POU2F1: variants seen among roughly 807,000 people sequenced by gnomAD.
POU2F1 encodes POU class 2 homeobox 1.
POU2F1 carries 16 observed loss-of-function variants against 84.9 expected under a neutral mutation model. The ratio of observed to expected loss-of-function variants is 0.19; its 90% confidence interval spans 0.13 to 0.29. The LOEUF (loss-of-function observed/expected upper bound fraction) is 0.29. Among genes scored for constraint, POU2F1 ranks in the 10% least tolerant of loss-of-function variants. The probability of loss-of-function intolerance (pLI) is 1.00; values close to 1 mark genes in which losing one functional copy is unlikely to be tolerated. For synonymous variants in POU2F1, 368 were observed against 368.3 expected (o/e 1.00, Z 0.01); for missense variants, 738 against 942.6 (o/e 0.78, Z 2.84).
rs532364356 is a variant in POU2F1, at chr1:167,427,020, T to G, written c.*11210T>G. 2 of 152,280 alleles carry G rather than the reference T, an allele frequency of 1.3e-5. No homozygotes were observed. Among genetic ancestry groups the G allele is most frequent in the South Asian group, 4.1e-4 (2 of 4,822 alleles). The allele number at this position is 152,280 out of a possible 1,614,324, so 9.4% of individuals were successfully genotyped here. A position where few individuals can be genotyped will look rare whatever the true frequency, so the allele number is the denominator to read the frequency against. On this transcript the variant is annotated 3_prime_UTR_variant, in exon 16 of 16. Coordinates refer to ENST00000367866, the MANE Select transcript of POU2F1 (RefSeq NM_002697.4). ...CCCTGGGAGACACACGTTTTCTTGG[T>G]TTTGAAAACCTGAAACACAGGCAAC...
chr1:167,343,758 T>C (rs1571336093), intron 2 of POU2F1, among the ~76,000 whole-genome samples: 1 of 148,542 alleles, frequency 6.7e-6, no homozygotes, highest in East Asian at 2.0e-4. Context: ...TGTGGTAGCA[T>C]TCTCTGAGTA....
intron 1 of POU2F1, among the ~76,000 whole-genome samples, chr1:167,265,209 A>G (rs1163867359): frequency 6.6e-6 from 1 of 152,210 alleles, no homozygotes; most frequent in African/African-American, 2.4e-5. Context: ...GTAGCAGCTG[A>G]GAGAACAGTT....
rs115010595 is a variant in POU2F1 at position 167,322,959 on chromosome 1, C to T, written c.62-9511C>T. 7.0e-3 allele frequency among the ~76,000 whole-genome samples: 1,060 copies of T among 152,306 alleles called. 8 individuals are homozygous for T. The highest frequency in any genetic ancestry group is 0.024 in the African/African-American group (1,006 of 41,560). On this transcript the variant is annotated intron_variant, in intron 1 of 15. Transcript: ENST00000367866. ...TGTTCCTTGCCGTCATTCCGGTAAA[C>T]CAACAACCTTCAGCATGGGCGTCGT...
intron 1 of POU2F1, among the ~76,000 whole-genome samples, chr1:167,257,153 A>G (rs768092266): frequency 1.3e-5 from 2 of 152,230 alleles, no homozygotes; most frequent in Non-Finnish European, 2.9e-5. Flanking sequence ...AAGAATAGGT[A>G]GTGGTGAGGA....
At chr1:167,222,090 G>T (rs1029006259) in intron 1 of POU2F1, among the ~76,000 whole-genome samples, 15 of 152,120 alleles carry the variant, frequency 9.9e-5, no homozygotes, top group Non-Finnish European at 1.8e-4. Flanking sequence ...GGGGCCTCTC[G>T]CTCCGAGGCC....
At chr1:167,373,419 T>TTC (rs1660132898) in intron 5 of POU2F1, among the ~76,000 whole-genome samples, 1 of 152,230 alleles carries the variant, frequency 6.6e-6, no homozygotes, top group African/African-American at 2.4e-5. Flanking sequence ...GGAGTTGGGA[T>TTC]TCTAGGTTCC....
chr1:167,222,076 C>T (rs965993126), intron 1 of POU2F1, among the ~76,000 whole-genome samples: 1 of 152,138 alleles, frequency 6.6e-6, no homozygotes, highest in Non-Finnish European at 1.5e-5. Flanking sequence ...GCGGGTGGCC[C>T]TCCGGGGCCT....
chr1:167,337,428 G>C (rs71572449), intron 2 of POU2F1, among the ~76,000 whole-genome samples: 1,839 of 152,284 alleles, frequency 0.012, 14 homozygotes, highest in South Asian at 0.027. Flanking sequence ...AGGAAGCACA[G>C]TTGTTATACG....
At chr1:167,262,487 A>G (rs955311525) in intron 1 of POU2F1, among the ~76,000 whole-genome samples, 3 of 152,236 alleles carry the variant, frequency 2.0e-5, no homozygotes, top group African/African-American at 7.2e-5. Flanking sequence ...CAGAAACCGT[A>G]TCTGCCCTCA....
chr1:167,261,064 T>C (rs927722092), intron 1 of POU2F1, among the ~76,000 whole-genome samples: 1 of 152,168 alleles, frequency 6.6e-6, no homozygotes, highest in African/African-American at 2.4e-5. Flanking sequence ...ATAGTATTTC[T>C]CATTTGATTT....
intron 1 of POU2F1, among the ~76,000 whole-genome samples, chr1:167,330,208 C>T (rs1656989901): frequency 6.6e-6 from 1 of 152,102 alleles, no homozygotes; most frequent in Non-Finnish European, 1.5e-5. Context: ...ACATTTAAAA[C>T]TTTTGCAAAT....
In POU2F1 at chr1:167,416,247, TAAAA is replaced by T. The variant is rs371666497; in HGVS notation, c.*446_*449del. 7.7e-6 allele frequency: 2 copies of T among 260,708 alleles called. No homozygotes were observed. Among genetic ancestry groups the T allele is most frequent in the Non-Finnish European group, 1.5e-5 (2 of 134,778 alleles). The allele number at this position is 260,708 out of a possible 1,614,324, so 16.1% of individuals were successfully genotyped here. ...TGTTTGTCTAAATTTCTTTTTTTCT[TAAAA>T]AAAAAAAATCATTTTTATGGGTCTG... On this transcript the variant is annotated 3_prime_UTR_variant, in exon 16 of 16. Transcript: ENST00000367866.
At chr1:167,338,229 TTG>T (rs1444628666) in intron 2 of POU2F1, 3 of 465,180 alleles carry the variant, frequency 6.4e-6, no homozygotes, top group Non-Finnish European at 4.4e-6. Flanking sequence ...ATGAAGATCT[TTG>T]TGATGATCCA....
Position 167,412,106 on chromosome 1 carries a change from C to T in POU2F1, c.1703C>T (p.Thr568Ile). 6.2e-7 allele frequency: 1 copy of T among 1,614,220 alleles called. No homozygotes were observed. Among genetic ancestry groups the T allele is most frequent in the Non-Finnish European group, 8.5e-7 (1 of 1,180,026 alleles). Reference sequence around the variant, plus strand: ...GCATCCAGTGCCAGTGAGACCAGCACAACACAGACCACCTCCACTCCTTTG... The same window carrying T: ...GCATCCAGTGCCAGTGAGACCAGCATAACACAGACCACCTCCACTCCTTTG... ...SEASSASETS[T>I]TQTTSTPLSS... The change falls in exon 14 of 16, where the codon ACA (threonine) becomes ATA (isoleucine). Residue 568 changes from threonine (T) to isoleucine (I), a missense_variant. Thr to Ile is a moderately conservative substitution (Grantham distance 89, BLOSUM62 -1). Coordinates refer to ENST00000367866, the MANE Select transcript of POU2F1 (RefSeq NM_002697.4).
At position 167,396,387 on chromosome 1, in the gene POU2F1, C is replaced by G. The variant is rs1648809561; in HGVS notation, c.1089C>G (p.Cys363Trp). 2.5e-6 allele frequency: 4 copies of G among 1,613,916 alleles called. No individual in the cohort carries two copies. The highest frequency in any genetic ancestry group is 1.1e-5 in the South Asian group (1 of 91,082). The change falls in exon 10 of 16, where the codon TGC becomes TGG. Residue 363 changes from cysteine (C) to tryptophan (W), a missense_variant. This residue lies in a region of POU2F1 where 95 missense variants were observed against 195.1 expected (regional missense o/e 0.49). Coordinates refer to ENST00000367866, the MANE Select transcript of POU2F1 (RefSeq NM_002697.4). ...EALNLSFKNMCKLKPLLEKWL... is the reference protein window; with the variant it reads ...EALNLSFKNMWKLKPLLEKWL... ...TGAACCTCAGCTTTAAGAACATGTG[C>G]AAGTTGAAGCCACTTTTAGAGAAGT...
intron 1 of POU2F1, among the ~76,000 whole-genome samples, chr1:167,283,732 GT>G (rs1653332095): frequency 6.6e-6 from 1 of 152,164 alleles, no homozygotes; most frequent in Non-Finnish European, 1.5e-5. Flanking sequence ...GTATTAACAT[GT>G]GAAGAAGACA....
At position 167,255,781 on chromosome 1, in the gene POU2F1, C is replaced by T. The variant is rs376590562; in HGVS notation, c.61+34823C>T. On this transcript the variant is annotated intron_variant, in intron 1 of 15. Coordinates refer to ENST00000367866, the MANE Select transcript of POU2F1 (RefSeq NM_002697.4). ...GACTGGATTTAGGAGACAAGAAAGACGAAGTAATTTCTCACCTATATGAAG... is the reference window on the plus strand; with the variant it reads ...GACTGGATTTAGGAGACAAGAAAGATGAAGTAATTTCTCACCTATATGAAG... 1.1e-4 allele frequency among the ~76,000 whole-genome samples: 16 copies of T among 152,178 alleles called. No individual in the cohort carries two copies. In the East Asian group the frequency reaches 2.3e-3, roughly 22 times the overall value.
intron 1 of POU2F1, among the ~76,000 whole-genome samples, chr1:167,236,490 C>T (rs1046037981): frequency 5.9e-5 from 9 of 152,244 alleles, no homozygotes; most frequent in African/African-American, 2.2e-4. Context: ...AAATGTACAA[C>T]AATGATTTAT....
chr1:167,303,938 A>C (rs1654883986), intron 1 of POU2F1, among the ~76,000 whole-genome samples: 1 of 152,218 alleles, frequency 6.6e-6, no homozygotes. Context: ...ATAGTTTAAT[A>C]GAAGCACTTT....
Sources: allele counts gnomAD v4.1 joint callset (sites outside exome capture counted in the v4.1 genomes callset), GRCh38; gene constraint gnomAD v4.1.1; regional missense constraint gnomAD v4.1.1; transcripts MANE v1.5; gene names NCBI Gene and HGNC (gene_info 2026-07-23, HGNC 2026-07-21).